The following GPC5 variants were observed in gnomAD, a reference collection of about 807,000 sequenced individuals.
GPC5 encodes glypican-5.
Under a neutral mutation model 53.9 loss-of-function variants are expected in GPC5, and 47 were observed. That is an observed-to-expected ratio of 0.87 (90% CI 0.69 to 1.11). The LOEUF (loss-of-function observed/expected upper bound fraction) is 1.11. Ranked by LOEUF, GPC5 falls within the 50% of genes most tolerant of loss-of-function variation. GPC5 has a pLI of 0.00. For synonymous variants in GPC5, 286 were observed against 263.3 expected (o/e 1.09, Z -0.84); for missense variants, 748 against 713.1 (o/e 1.05, Z -0.56).
intron 7 of GPC5, among the ~76,000 whole-genome samples, chr13:92,403,068 A>G (rs1875630434): frequency 6.6e-6 from 1 of 152,130 alleles, no homozygotes; most frequent in African/African-American, 2.4e-5. Flanking sequence ...CTACAACTCA[A>G]ATTTTCTATT....
At chr13:91,985,730 T>A (rs1198965558) in intron 6 of GPC5, among the ~76,000 whole-genome samples, 4 of 152,208 alleles carry the variant, frequency 2.6e-5, no homozygotes, top group African/African-American at 9.6e-5. Context: ...TACTTTCTTA[T>A]CCCTTCAGCC....
chr13:92,096,844 C>G (rs2041426145), intron 6 of GPC5, among the ~76,000 whole-genome samples: 1 of 152,126 alleles, frequency 6.6e-6, no homozygotes, highest in South Asian at 2.1e-4. Context: ...TCTGTTGTAA[C>G]AAATCTTAAA....
At chr13:92,423,420 T>C (rs2139365180) in intron 7 of GPC5, among the ~76,000 whole-genome samples, 1 of 152,340 alleles carries the variant, frequency 6.6e-6, no homozygotes, top group South Asian at 2.1e-4. Context: ...TCAGATAACA[T>C]TATTTGCTTA....
chr13:91,704,443 C>A (rs1422422851), intron 3 of GPC5, among the ~76,000 whole-genome samples: 1 of 152,198 alleles, frequency 6.6e-6, no homozygotes, highest in African/African-American at 2.4e-5. Flanking sequence ...GGGCTAAGCT[C>A]CCACGGCATT....
chr13:91,606,325 A>T (rs1241866093), intron 2 of GPC5, among the ~76,000 whole-genome samples: 1 of 148,728 alleles, frequency 6.7e-6, no homozygotes, highest in Non-Finnish European at 1.5e-5. Flanking sequence ...ATGGTGGATA[A>T]GCTTTTTGAT....
At chr13:91,985,963 C>T (rs1384584283) in intron 6 of GPC5, among the ~76,000 whole-genome samples, 2 of 151,864 alleles carry the variant, frequency 1.3e-5, no homozygotes, top group Non-Finnish European at 2.9e-5. Context: ...GACTCTGATC[C>T]CAGCCAACTT....
intron 5 of GPC5, among the ~76,000 whole-genome samples, chr13:91,784,436 T>A (rs2037845534): frequency 6.6e-6 from 1 of 152,032 alleles, no homozygotes; most frequent in Non-Finnish European, 1.5e-5. Context: ...TAAAATTACC[T>A]ATTTGAGGCC....
chr13:92,713,120 C>T (rs1444174748), intron 7 of GPC5, among the ~76,000 whole-genome samples: 1 of 152,116 alleles, frequency 6.6e-6, no homozygotes, highest in East Asian at 1.9e-4. Context: ...CACTTACACA[C>T]ACATGGAAGA....
At chr13:91,852,876 G>A (rs1458163387) in intron 5 of GPC5, among the ~76,000 whole-genome samples, 2 of 152,098 alleles carry the variant, frequency 1.3e-5, no homozygotes, top group African/African-American at 4.8e-5. Context: ...AACTGGGAGA[G>A]CTTCATTTCA....
chr13:91,882,670 G>T (rs202062982), intron 5 of GPC5, among the ~76,000 whole-genome samples: 107 of 59,332 alleles, frequency 1.8e-3, no homozygotes, highest in South Asian at 5.2e-3. Context: ...TGTTTTTTGG[G>T]TTTTTTTTTT....
At chr13:91,535,627 T>G (rs1886555307) in intron 2 of GPC5, among the ~76,000 whole-genome samples, 1 of 152,158 alleles carries the variant, frequency 6.6e-6, no homozygotes, top group Non-Finnish European at 1.5e-5. Flanking sequence ...ACACAGGCTC[T>G]CTTCTCAGAA....
intron 7 of GPC5, among the ~76,000 whole-genome samples, chr13:92,441,788 T>C: frequency 6.6e-6 from 1 of 152,154 alleles, no homozygotes; most frequent in Non-Finnish European, 1.5e-5. Context: ...TCAACACTAT[T>C]CCTATCAAAC....
chr13:92,174,384 A>T (rs554175769), intron 7 of GPC5, among the ~76,000 whole-genome samples: 1 of 149,618 alleles, frequency 6.7e-6, no homozygotes. Context: ...AAACAAAAAA[A>T]AATGGCCGGG....
At chr13:92,146,605 C>T (rs888161227) in intron 7 of GPC5, among the ~76,000 whole-genome samples, 1 of 151,984 alleles carries the variant, frequency 6.6e-6, no homozygotes, top group African/African-American at 2.4e-5. Context: ...TTGGGTACAT[C>T]CATCATCTGA....
chr13:92,535,328 T>A (rs571639704), intron 7 of GPC5, among the ~76,000 whole-genome samples: 18 of 152,268 alleles, frequency 1.2e-4, no homozygotes, highest in African/African-American at 4.1e-4. Context: ...GTCTTCCTGC[T>A]TGCTGCGCAG....
At chr13:92,476,224 G>T (rs1248465738) in intron 7 of GPC5, among the ~76,000 whole-genome samples, 1 of 152,118 alleles carries the variant, frequency 6.6e-6, no homozygotes, top group African/African-American at 2.4e-5. Flanking sequence ...CCATCAAAAA[G>T]TGGGCAAAGG....
intron 7 of GPC5, among the ~76,000 whole-genome samples, chr13:92,740,370 T>C (rs1457642985): frequency 6.6e-6 from 1 of 152,120 alleles, no homozygotes; most frequent in Non-Finnish European, 1.5e-5. Flanking sequence ...AGCTGTTCAT[T>C]TGCTTTTGTC....
chr13:92,485,960 CTG>C (rs1039905792), intron 7 of GPC5, among the ~76,000 whole-genome samples: 5 of 152,194 alleles, frequency 3.3e-5, no homozygotes, highest in Non-Finnish European at 7.3e-5. Flanking sequence ...GAGCAAAACT[CTG>C]TCTCAAAGAA....
Position 92,366,537 on chromosome 13 carries a change from G to C in GPC5, c.1561+221548G>C, listed in dbSNP as rs895999528. On this transcript the variant is annotated intron_variant, in intron 7 of 7. Coordinates refer to ENST00000377067, the MANE Select transcript of GPC5 (RefSeq NM_004466.6). ...ATTTTTCTGAAATTCTTTACATCTT[G>C]AGTGCACTAGTAGATGTTAAAACAT... Among the ~76,000 whole-genome samples the C allele has an allele frequency of 9.3e-5, 14 of 151,320 alleles. 1 individual carries two copies. Among genetic ancestry groups the C allele is most frequent in the African/African-American group, 3.4e-4 (14 of 40,634 alleles).
Sources: allele counts gnomAD v4.1 joint callset (sites outside exome capture counted in the v4.1 genomes callset), GRCh38; gene constraint gnomAD v4.1.1; transcripts MANE v1.5; gene names NCBI Gene and HGNC (gene_info 2026-07-23, HGNC 2026-07-21).